Variants in INPP5B observed in about 807,000 individuals in gnomAD.
The protein encoded by INPP5B is inositol polyphosphate-5-phosphatase B.
A neutral mutation model predicts 118.5 loss-of-function variants in INPP5B; 90 were observed. That is an observed-to-expected ratio of 0.76 (90% CI 0.64 to 0.90). INPP5B has a LOEUF of 0.90. Among genes scored for constraint, INPP5B ranks in the 40% least tolerant of loss-of-function variants. INPP5B has a pLI of 0.00. For missense variants in INPP5B, 984 were observed against 1,125.6 expected (o/e 0.87, Z 1.80); for synonymous variants, 385 against 418.9 (o/e 0.92, Z 0.99).
intron 7 of INPP5B, among the ~76,000 whole-genome samples, chr1:37,896,488 G>A (rs1455020085): frequency 9.8e-5 from 14 of 143,354 alleles, no homozygotes; most frequent in African/African-American, 2.6e-4. Context: ...TCAGCCCCCC[G>A]CCCGGCCAGC....
intron 7 of INPP5B, among the ~76,000 whole-genome samples, chr1:37,913,208 G>A (rs1570268979): frequency 6.6e-6 from 1 of 152,146 alleles, no homozygotes; most frequent in Non-Finnish European, 1.5e-5. Context: ...AGTGAGCCGA[G>A]ATCACGCCAC....
chr1:37,881,416 C>T (rs1488145205), intron 14 of INPP5B, among the ~76,000 whole-genome samples: 3 of 152,180 alleles, frequency 2.0e-5, no homozygotes, highest in Non-Finnish European at 4.4e-5. Flanking sequence ...ACCACAGGTG[C>T]TCTTCCCTCT....
chr1:37,887,933 C>T (rs576908056), intron 10 of INPP5B, among the ~76,000 whole-genome samples: 1 of 152,058 alleles, frequency 6.6e-6, no homozygotes, highest in South Asian at 2.1e-4. Context: ...GATAGTTTTG[C>T]TTTGTAACCA....
At chr1:37,888,403 G>C in intron 9 of INPP5B, 59 bp from the exon 10 acceptor site, 1 of 1,029,404 alleles carries the variant, frequency 9.7e-7, no homozygotes, top group Non-Finnish European at 1.4e-6. Context: ...ACAGGAGAAA[G>C]CATTTTATGC....
In INPP5B at chr1:37,874,008, C is replaced by T; in HGVS notation, c.1936G>A (p.Gly646Ser). The change falls in exon 18 of 24, where the codon GGC becomes AGC. Residue 646 changes from glycine to serine, a missense_variant. This residue lies in a region of INPP5B where 634 missense variants were observed against 791.0 expected (regional missense o/e 0.80). Transcript: ENST00000373024. The stretch of plus-strand genomic sequence containing the variant: ...GAGGCCTTACCTGGCAGGAGGAAGC[C>T]TCTGCTGGGGTTGGCATTCAGCCAC... ...KQWLNANPSRGFLLPDSDVEI... is the reference protein window; with the variant it reads ...KQWLNANPSRSFLLPDSDVEI... 6.3e-7 allele frequency: 1 copy of T among 1,575,500 alleles called. No homozygotes were observed. The highest frequency in any genetic ancestry group is 8.7e-7 in the Non-Finnish European group (1 of 1,152,002).
intron 22 of INPP5B, chr1:37,864,670 C>G (rs1418261853): frequency 3.4e-6 from 1 of 297,660 alleles, no homozygotes; most frequent in Non-Finnish European, 6.2e-6. Flanking sequence ...TTAGTTGGGT[C>G]TTGAATGTAA....
intron 6 of INPP5B, among the ~76,000 whole-genome samples, chr1:37,934,885 G>T (rs1178908399): frequency 7.0e-6 from 1 of 143,862 alleles, no homozygotes; most frequent in Non-Finnish European, 1.6e-5. Context: ...TATCTGACAG[G>T]CGGTGTTCTT....
intron 7 of INPP5B, among the ~76,000 whole-genome samples, chr1:37,926,480 C>T (rs1645234420): frequency 1.3e-5 from 2 of 152,126 alleles, no homozygotes; most frequent in Admixed American, 6.6e-5. Context: ...GATGGGGTTT[C>T]ACCACGTTGG....
intron 20 of INPP5B, 67 bp from the exon 21 acceptor site, chr1:37,866,610 G>C: frequency 3.2e-6 from 3 of 949,200 alleles, no homozygotes; most frequent in Non-Finnish European, 5.1e-6. Context: ...TTCCTGACCT[G>C]GCAATATCAA....
Position 37,865,870 on chromosome 1 carries a change from A to G in INPP5B, c.2405T>C (p.Val802Ala). 7 of 1,613,400 alleles carry G rather than the reference A, an allele frequency of 4.3e-6. No individual in the cohort carries two copies. Among genetic ancestry groups the G allele is most frequent in the Non-Finnish European group, 5.9e-6 (7 of 1,179,564 alleles). Reference sequence around the variant, plus strand: ...CAGGAAAAGCAGCAGGGCTTCGGCTACAGAATGATTGCTGGCAGCTTTTGG... The same window carrying G: ...CAGGAAAAGCAGCAGGGCTTCGGCTGCAGAATGATTGCTGGCAGCTTTTGG... ...IDNLSASNHS[V>A]AEALLLFLES... Residue 802 changes from valine (V) to alanine (A), a missense_variant, in exon 22 of 24, where the codon GTA becomes GCA. Physicochemically the swap from Val to Ala is moderately conservative, Grantham distance 64. Around this residue, in one of 2 missense-constraint regions of INPP5B, gnomAD observed 634 missense variants for 791.0 expected, o/e 0.80. Transcript: ENST00000373024.
intron 7 of INPP5B, among the ~76,000 whole-genome samples, chr1:37,898,562 G>A (rs748884468): frequency 6.6e-6 from 1 of 152,098 alleles, no homozygotes; most frequent in Non-Finnish European, 1.5e-5. Flanking sequence ...GGGAGCGGTG[G>A]CAGGCACCTG....
intron 19 of INPP5B, 124 bp from the exon 20 acceptor site, chr1:37,868,738 C>T: frequency 1.5e-6 from 1 of 683,768 alleles, no homozygotes; most frequent in Non-Finnish European, 2.7e-6. Context: ...ACGCATTCCA[C>T]AGACAGAAAT....
rs901236803 is a variant in INPP5B, at chr1:37,891,352, C to T, written c.629+6G>A. ...CAAGGGACAAGTGAAGGGAGAGTTG[C>T]ATTACCTTGGTTGCAAGCTTTCTGG... On this transcript the variant is annotated splice_donor_region_variant and intron_variant, in intron 8 of 23. Transcript: ENST00000373024. 6.2e-7 allele frequency: 1 copy of T among 1,607,700 alleles called. No individual in the cohort carries two copies. The highest frequency in any genetic ancestry group is 1.1e-5 in the South Asian group (1 of 90,944).
At chr1:37,927,036 C>T (rs1188891066) in intron 7 of INPP5B, among the ~76,000 whole-genome samples, 1 of 152,154 alleles carries the variant, frequency 6.6e-6, no homozygotes, top group Admixed American at 6.6e-5. Context: ...CGCCTGTAAT[C>T]TCAGCACTTT....
intron 17 of INPP5B, 147 bp from the exon 18 acceptor site, chr1:37,874,302 C>G (rs1308924859): frequency 2.7e-5 from 14 of 523,710 alleles, no homozygotes; most frequent in Non-Finnish European, 3.1e-5. Flanking sequence ...TGGGAGGCCA[C>G]AGTTCCCACT....
At chr1:37,894,221 G>C (rs1185323045) in intron 7 of INPP5B, among the ~76,000 whole-genome samples, 3 of 152,148 alleles carry the variant, frequency 2.0e-5, no homozygotes, top group Non-Finnish European at 4.4e-5. Context: ...TTGGCCTATA[G>C]GCTGCACTTC....
intron 6 of INPP5B, among the ~76,000 whole-genome samples, chr1:37,932,767 G>T (rs1645538705): frequency 6.6e-6 from 1 of 152,100 alleles, no homozygotes; most frequent in Non-Finnish European, 1.5e-5. Context: ...GATGCCAGAG[G>T]GTTGGAGGAT....
intron 7 of INPP5B, among the ~76,000 whole-genome samples, chr1:37,919,315 C>T (rs1644975748): frequency 6.6e-6 from 1 of 152,156 alleles, no homozygotes; most frequent in Non-Finnish European, 1.5e-5. Context: ...TCTTCTCAGT[C>T]ACCAGCCTTT....
At chr1:37,900,403 T>C (rs1054280307) in intron 7 of INPP5B, among the ~76,000 whole-genome samples, 371 of 150,428 alleles carry the variant, frequency 2.5e-3, no homozygotes, top group East Asian at 5.0e-3. Flanking sequence ...TACAGGCACG[T>C]GCCACCACAC....
Sources: gnomAD v4.1 joint callset for allele counts (sites outside exome capture counted in the v4.1 genomes callset) on GRCh38, gnomAD v4.1.1 for gene constraint, gnomAD v4.1.1 regional missense constraint, MANE v1.5 for transcripts, NCBI Gene and HGNC (gene_info 2026-07-23, HGNC 2026-07-21) for gene names.